The following SORCS2 variants were observed in gnomAD, a reference collection of about 807,000 sequenced individuals.
SORCS2 encodes the protein sortilin related VPS10 domain containing receptor 2.
In SORCS2, 100 loss-of-function variants were observed where a neutral mutation model predicts 141.6. That is an observed-to-expected ratio of 0.71 (90% CI 0.60 to 0.83). The LOEUF (loss-of-function observed/expected upper bound fraction) is 0.83, where lower values mean the gene tolerates loss of function less well. SORCS2 is among the 40% of genes least tolerant of loss of function. SORCS2 has a pLI of 0.00. For missense variants in SORCS2, 1,646 were observed against 1,560.2 expected (o/e 1.05, Z -0.93); for synonymous variants, 789 against 676.9 (o/e 1.17, Z -2.57).
chr4:7,707,136 A>G (rs1725523331), intron 14 of SORCS2, among the ~76,000 whole-genome samples: 2 of 152,020 alleles, frequency 1.3e-5, no homozygotes, highest in South Asian at 4.1e-4. Context: ...CAGAGGTGGG[A>G]CCCCCTATGA....
chr4:7,562,448 T>G (rs748379592), intron 3 of SORCS2, among the ~76,000 whole-genome samples: 1 of 152,062 alleles, frequency 6.6e-6, no homozygotes, highest in Non-Finnish European at 1.5e-5. Context: ...GGGATAGTGA[T>G]AGGGAGTTTG....
rs141226063 is a variant in SORCS2 at position 7,319,061 on chromosome 4, G to A, written c.481-77227G>A. Among the ~76,000 whole-genome samples, 32 of 152,344 alleles carry A rather than the reference G, an allele frequency of 2.1e-4. 1 individual carries two copies. In the East Asian group the frequency reaches 6.0e-3, roughly 28 times the overall value. ...TTCATCCATGTTGTAGTGTGGGTCA[G>A]TAGTTTGTTCTTTTTTACTGAGGAG... On this transcript the variant is annotated intron_variant, in intron 1 of 26. Coordinates refer to ENST00000507866, the MANE Select transcript of SORCS2 (RefSeq NM_020777.3).
At chr4:7,712,092 G>T (rs1233578562) in intron 14 of SORCS2, among the ~76,000 whole-genome samples, 4 of 152,140 alleles carry the variant, frequency 2.6e-5, no homozygotes, top group Admixed American at 1.3e-4. Context: ...CACCCTAAGT[G>T]GCCAGCCTCC....
intron 8 of SORCS2, among the ~76,000 whole-genome samples, chr4:7,673,247 G>A (rs1722899351): frequency 6.6e-6 from 1 of 152,218 alleles, no homozygotes; most frequent in South Asian, 2.1e-4. Flanking sequence ...TAAATTTTCA[G>A]GACAGCAAAT....
chr4:7,357,513 C>T (rs867433794), intron 1 of SORCS2, among the ~76,000 whole-genome samples: 2 of 152,164 alleles, frequency 1.3e-5, no homozygotes, highest in Non-Finnish European at 2.9e-5. Flanking sequence ...TTTCCGGAGG[C>T]GTTGATTACG....
chr4:7,740,315 C>T lies in SORCS2; in HGVS notation c.*51C>T. ...CCCACGGAGGGCACAGAACCACCAG[C>T]AAAGCCGGCGGCTGGACTGGCGCCC... is the stretch of plus-strand genomic sequence containing the variant. On this transcript the variant is annotated 3_prime_UTR_variant, in exon 27 of 27. Transcript: ENST00000507866. The T allele has an allele frequency of 1.3e-6, 2 of 1,554,040 alleles. No individual in the cohort carries two copies. The highest frequency in any genetic ancestry group is 8.8e-7 in the Non-Finnish European group (1 of 1,138,694).
At chr4:7,560,440 C>T (rs1231834542) in intron 3 of SORCS2, among the ~76,000 whole-genome samples, 2 of 152,074 alleles carry the variant, frequency 1.3e-5, no homozygotes, top group Non-Finnish European at 1.5e-5. Context: ...TGTGCTTTGT[C>T]TCTCAATGGC....
At chr4:7,250,788 A>C (rs1333020729) in intron 1 of SORCS2, among the ~76,000 whole-genome samples, 1 of 152,274 alleles carries the variant, frequency 6.6e-6, no homozygotes. Flanking sequence ...TGTGTCTGCC[A>C]AGAACAGTGG....
chr4:7,417,283 G>A (rs1725762872), intron 2 of SORCS2, among the ~76,000 whole-genome samples: 1 of 152,182 alleles, frequency 6.6e-6, no homozygotes, highest in African/African-American at 2.4e-5. Flanking sequence ...GAGTGGCTGA[G>A]AGATGGCAGC....
At chr4:7,587,859 C>T (rs1716644891) in intron 3 of SORCS2, among the ~76,000 whole-genome samples, 1 of 152,226 alleles carries the variant, frequency 6.6e-6, no homozygotes, top group Non-Finnish European at 1.5e-5. Context: ...CCGGCCCATC[C>T]AGGGAATTTG....
chr4:7,733,949 G>T (rs955855502), intron 24 of SORCS2, among the ~76,000 whole-genome samples: 1 of 152,116 alleles, frequency 6.6e-6, no homozygotes, highest in African/African-American at 2.4e-5. Context: ...CATCAGGAGC[G>T]CCGGCCACGG....
intron 3 of SORCS2, among the ~76,000 whole-genome samples, chr4:7,623,337 C>G (rs1186306307): frequency 1.3e-5 from 2 of 151,978 alleles, no homozygotes; most frequent in African/African-American, 4.8e-5. Flanking sequence ...ACACCAGTAC[C>G]CCATCTTTGT....
chr4:7,557,910 G>C (rs1465807386), intron 3 of SORCS2, among the ~76,000 whole-genome samples: 2 of 152,224 alleles, frequency 1.3e-5, no homozygotes, highest in Admixed American at 6.5e-5. Context: ...TCTGACACCT[G>C]CTTCGCAGAT....
At chr4:7,252,000 C>A (rs572868395) in intron 1 of SORCS2, among the ~76,000 whole-genome samples, 1 of 152,272 alleles carries the variant, frequency 6.6e-6, no homozygotes, top group African/African-American at 2.4e-5. Context: ...TCTGGCTGAG[C>A]CTCCTCTAAA....
At chr4:7,443,205 G>C (rs1299120371) in intron 2 of SORCS2, among the ~76,000 whole-genome samples, 1 of 152,118 alleles carries the variant, frequency 6.6e-6, no homozygotes, top group African/African-American at 2.4e-5. Context: ...TTTTTGGGAG[G>C]AAGGGGGCAC....
At chr4:7,299,488 G>A (rs945205642) in intron 1 of SORCS2, among the ~76,000 whole-genome samples, 1 of 152,194 alleles carries the variant, frequency 6.6e-6, no homozygotes, top group Non-Finnish European at 1.5e-5. Flanking sequence ...AACAGCTGGA[G>A]ATATCTTCTT....
chr4:7,453,022 G>GGT (rs1728580720), intron 2 of SORCS2, among the ~76,000 whole-genome samples: 1 of 146,734 alleles, frequency 6.8e-6, no homozygotes, highest in Non-Finnish European at 1.5e-5. Context: ...GTTGGGGTCA[G>GGT]GCTCCATGTT....
chr4:7,440,140 A>C (rs1727564179), intron 2 of SORCS2, among the ~76,000 whole-genome samples: 1 of 152,218 alleles, frequency 6.6e-6, no homozygotes, highest in Non-Finnish European at 1.5e-5. Context: ...TCAAAAAGCT[A>C]CATGCAAGGT....
chr4:7,243,740 A>G (rs1488262714), intron 1 of SORCS2, among the ~76,000 whole-genome samples: 2 of 152,336 alleles, frequency 1.3e-5, no homozygotes, highest in Non-Finnish European at 1.5e-5. Flanking sequence ...CTTCTCAGTT[A>G]GGGCGTGGGG....
Sources: gnomAD v4.1 joint callset for allele counts (sites outside exome capture counted in the v4.1 genomes callset) on GRCh38, gnomAD v4.1.1 for gene constraint, MANE v1.5 for transcripts, NCBI Gene and HGNC (gene_info 2026-07-23, HGNC 2026-07-21) for gene names.